Variants in ME1 observed in about 807,000 individuals in gnomAD.
ME1 encodes malic enzyme 1.
ME1 carries 74 observed loss-of-function variants against 66.4 expected under a neutral mutation model. The observed-to-expected ratio is 1.11, with a 90% CI of 0.92 to 1.35. The LOEUF (loss-of-function observed/expected upper bound fraction) is 1.35, where lower values mean the gene tolerates loss of function less well. Among genes scored for constraint, ME1 ranks in the 40% most tolerant of loss-of-function variants. The probability of loss-of-function intolerance (pLI) is 0.00; values close to 1 mark genes in which losing one functional copy is unlikely to be tolerated. For synonymous variants in ME1, 251 were observed against 235.6 expected, an observed-to-expected ratio of 1.07 and a Z score of -0.60; for missense variants, 750 against 694.1, an observed-to-expected ratio of 1.08 and a Z score of -0.90.
chr6:83,315,469 A>G, intron 5 of ME1, 56 bp from the exon 6 acceptor site: 2 of 1,030,436 alleles, frequency 1.9e-6, no homozygotes, highest in Middle Eastern at 4.6e-4. Context: ...TCATTTATTG[A>G]GCCTCAGTTT....
intron 1 of ME1, among the ~76,000 whole-genome samples, chr6:83,429,671 T>C (rs1770444119): frequency 6.6e-6 from 1 of 151,940 alleles, no homozygotes; most frequent in Non-Finnish European, 1.5e-5. Context: ...AGTCATAGAT[T>C]TGTAAAAGGT....
chr6:83,239,937 C>T (rs1790479923), intron 7 of ME1, among the ~76,000 whole-genome samples: 1 of 152,018 alleles, frequency 6.6e-6, no homozygotes, highest in Non-Finnish European at 1.5e-5. Flanking sequence ...AGCTCAACAA[C>T]CCACTGACTA....
intron 8 of ME1, 40 bp from the exon 9 acceptor site, chr6:83,237,870 T>C (rs774120956): frequency 1.8e-6 from 2 of 1,087,256 alleles, no homozygotes; most frequent in Non-Finnish European, 2.7e-6. Context: ...TTGTTCTACA[T>C]GATATCTTAT....
chr6:83,349,015 A>AAAAAAAAAAAC lies in ME1; in HGVS notation c.439-2682_439-2681insGTTTTTTTTTT, dbSNP rs746037012. Among the ~76,000 whole-genome samples the AAAAAAAAAAAC allele has an allele frequency of 6.5e-4, 81 of 124,030 alleles. 6 individuals are homozygous for AAAAAAAAAAAC. The highest frequency in any genetic ancestry group is 2.3e-3 in the African/African-American group (74 of 32,238). The allele number at this position is 124,030 out of a possible 152,430, so 81.4% of individuals were successfully genotyped here. ...AAAAAAAAAAAACAAAAAACAAAAA[A>AAAAAAAAAAAC]CAGTGCATTCTTTCTTATTTCTTCA... On this transcript the variant is annotated intron_variant, in intron 4 of 13. Coordinates refer to ENST00000369705, the MANE Select transcript of ME1 (RefSeq NM_002395.6).
chr6:83,360,354 C>T (rs1002290245), intron 3 of ME1, among the ~76,000 whole-genome samples: 3 of 152,148 alleles, frequency 2.0e-5, no homozygotes, highest in African/African-American at 4.8e-5. Flanking sequence ...TCTGAGCTGA[C>T]GTTGATTCCA....
chr6:83,287,529 A>T (rs1021355349), intron 6 of ME1, among the ~76,000 whole-genome samples: 1 of 152,226 alleles, frequency 6.6e-6, no homozygotes, highest in Non-Finnish European at 1.5e-5. Flanking sequence ...TATATGTGCC[A>T]CATTTTCTTA....
chr6:83,371,629 A>T (rs1028619654), intron 3 of ME1, among the ~76,000 whole-genome samples: 2 of 152,160 alleles, frequency 1.3e-5, no homozygotes, highest in African/African-American at 2.4e-5. Flanking sequence ...TTCTGATATG[A>T]GGCAGTTTTC....
intron 6 of ME1, among the ~76,000 whole-genome samples, chr6:83,270,603 GACTA>G (rs1049652266): frequency 2.0e-5 from 3 of 152,034 alleles, no homozygotes; most frequent in African/African-American, 7.2e-5. Context: ...TAGCAATCCT[GACTA>G]ACTGATTTTG....
chr6:83,260,181 A>C (rs964722068), intron 6 of ME1, among the ~76,000 whole-genome samples: 18 of 151,868 alleles, frequency 1.2e-4, no homozygotes, highest in African/African-American at 4.3e-4. Flanking sequence ...AGGACCAAAA[A>C]AAAAAAGAAT....
chr6:83,424,713 A>G (rs899298618), intron 1 of ME1, among the ~76,000 whole-genome samples: 5 of 152,230 alleles, frequency 3.3e-5, no homozygotes, highest in Non-Finnish European at 7.4e-5. Flanking sequence ...ACAGAAGTAT[A>G]TCATTAGTTT....
Position 83,212,104 on chromosome 6 carries a change from A to G in ME1, c.1549-10T>C, listed in dbSNP as rs774031585. The G allele has an allele frequency of 1.3e-6, 2 of 1,571,180 alleles. No individual in the cohort carries two copies. Among genetic ancestry groups the G allele is most frequent in the Non-Finnish European group, 1.7e-6 (2 of 1,153,440 alleles). On this transcript the variant is annotated splice_polypyrimidine_tract_variant and intron_variant, in intron 13 of 13. Coordinates refer to ENST00000369705, the MANE Select transcript of ME1 (RefSeq NM_002395.6). ...ATGCATCTTTCACAATCTAGATATAAGAAAAGAATATTAATTATTTTAATA... is the reference window on the plus strand; with the variant it reads ...ATGCATCTTTCACAATCTAGATATAGGAAAAGAATATTAATTATTTTAATA...
rs61055748 is a variant in ME1, at chr6:83,298,931, GT to G, written c.704+16378del. Among the ~76,000 whole-genome samples the G allele has an allele frequency of 5.3e-3, 119 of 22,494 alleles. 2 individuals carry two copies. Among genetic ancestry groups the G allele is most frequent in the African/African-American group, 0.02 (107 of 5,330 alleles). The allele number at this position is 22,494 out of a possible 152,430, so 14.8% of individuals were successfully genotyped here. A position where few individuals can be genotyped will look rare whatever the true frequency, so the allele number is the denominator to read the frequency against. The stretch of plus-strand genomic sequence containing the variant: ...TGCTGTTCCATTAGTCTATGTGTCT[GT>G]TTTTTTTTTTTTTTTTTTTTTTTTT... On this transcript the variant is annotated intron_variant, in intron 6 of 13. Coordinates refer to ENST00000369705, the MANE Select transcript of ME1 (RefSeq NM_002395.6).
At chr6:83,346,977 G>A (rs539962988) in intron 4 of ME1, among the ~76,000 whole-genome samples, 3 of 150,252 alleles carry the variant, frequency 2.0e-5, no homozygotes, top group Non-Finnish European at 2.9e-5. Context: ...TTTCCGAGAC[G>A]GAGTCTTGCT....
chr6:83,281,971 A>G (rs1430461923), intron 6 of ME1, among the ~76,000 whole-genome samples: 1 of 151,704 alleles, frequency 6.6e-6, no homozygotes, highest in African/African-American at 2.4e-5. Context: ...ACTTAAAAAA[A>G]AAAAATCAAT....
chr6:83,272,470 G>T (rs1174960570), intron 6 of ME1, among the ~76,000 whole-genome samples: 4 of 151,994 alleles, frequency 2.6e-5, no homozygotes, highest in Non-Finnish European at 5.9e-5. Context: ...TAAAATTGAG[G>T]TATATAATAT....
chr6:83,357,933 CTCTATATA>C (rs1177630980), intron 3 of ME1, among the ~76,000 whole-genome samples: 77 of 44,930 alleles, frequency 1.7e-3, no homozygotes, highest in African/African-American at 3.8e-3. Flanking sequence ...CTCTCTCTCT[CTCTATATA>C]TATATATATA....
At chr6:83,388,135 A>C (rs1769550020) in intron 3 of ME1, among the ~76,000 whole-genome samples, 1 of 136,228 alleles carries the variant, frequency 7.3e-6, no homozygotes, top group Non-Finnish European at 1.5e-5. Context: ...ACAGGCTAGA[A>C]AGAGTGCAGT....
chr6:83,351,089 A>G (rs565564761), intron 4 of ME1, among the ~76,000 whole-genome samples: 1 of 151,920 alleles, frequency 6.6e-6, no homozygotes, highest in South Asian at 2.1e-4. Context: ...AATTATAGCC[A>G]CAATGTCTCA....
rs898681060 is a variant in ME1 at position 83,399,723 on chromosome 6, C to T, written c.213-1207G>A. On this transcript the variant is annotated intron_variant, in intron 2 of 13. Coordinates refer to ENST00000369705, the MANE Select transcript of ME1 (RefSeq NM_002395.6). ...TTTATAGAATAAAACGTAAACTGCT[C>T]AGTTCAACTTAAAAGAATCTTGCAA... Among the ~76,000 whole-genome samples the T allele has an allele frequency of 2.6e-5, 4 of 152,160 alleles. No individual in the cohort carries two copies. The South Asian group carries it at 8.3e-4, about 32-fold the overall frequency.
Sources: gnomAD v4.1 joint callset for allele counts (sites outside exome capture counted in the v4.1 genomes callset) on GRCh38, gnomAD v4.1.1 for gene constraint, MANE v1.5 for transcripts, NCBI Gene and HGNC (gene_info 2026-07-23, HGNC 2026-07-21) for gene names.